CFAP58: variants seen among roughly 807,000 people sequenced by gnomAD.
CFAP58 encodes cilia- and flagella-associated protein 58.
A neutral mutation model predicts 119.5 loss-of-function variants in CFAP58; 88 were observed. That is an observed-to-expected ratio of 0.74 (90% CI 0.62 to 0.88). The LOEUF is 0.88. Among genes scored for constraint, CFAP58 ranks in the 40% least tolerant of loss-of-function variants. The pLI, the probability that CFAP58 is intolerant of heterozygous loss-of-function variation, is 0.00. For missense variants in CFAP58, 990 were observed against 1,021.2 expected, an observed-to-expected ratio of 0.97 and a Z score of 0.42; for synonymous variants, 365 against 366.3, an observed-to-expected ratio of 1.00 and a Z score of 0.04.
At position 104,364,721 on chromosome 10, in the gene CFAP58, C is replaced by T; in HGVS notation, c.441-12C>T. The T allele has an allele frequency of 6.2e-7, 1 of 1,612,386 alleles. No homozygotes were observed. The highest frequency in any genetic ancestry group is 8.5e-7 in the Non-Finnish European group (1 of 1,179,260). On this transcript the variant is annotated splice_polypyrimidine_tract_variant and intron_variant, in intron 3 of 17. Transcript: ENST00000369704. ...GGCCATTTAGTCTGACTCCTGTGTTCTTCCTTTTTAGCATCCGAGATTTAC... is the reference window on the plus strand; with the variant it reads ...GGCCATTTAGTCTGACTCCTGTGTTTTTCCTTTTTAGCATCCGAGATTTAC...
intron 15 of CFAP58, among the ~76,000 whole-genome samples, chr10:104,408,972 C>G (rs1237523681): frequency 6.6e-6 from 1 of 151,978 alleles, no homozygotes; most frequent in East Asian, 1.9e-4. Flanking sequence ...TGGGGGCGTG[C>G]ACGTTTAGTC....
rs1589917283 is a variant in CFAP58, at chr10:104,385,809, T to G, written c.1365+5589T>G. On this transcript the variant is annotated intron_variant, in intron 9 of 17. Coordinates refer to ENST00000369704, the MANE Select transcript of CFAP58 (RefSeq NM_001008723.2). ...GAAAGACCTGTACAGGCTGACCATG[T>G]TCCAGGCAAAATCAGTGACAGGAGA... Among the ~76,000 whole-genome samples the G allele has an allele frequency of 2.0e-5, 3 of 152,316 alleles. 1 individual carries two copies. The highest frequency in any genetic ancestry group is 6.8e-3 in the Middle Eastern group (2 of 294).
Position 104,380,186 on chromosome 10 carries a change from G to T in CFAP58, c.1331G>T (p.Arg444Leu). The T allele has an allele frequency of 6.2e-7, 1 of 1,613,978 alleles. No individual in the cohort carries two copies. The highest frequency in any genetic ancestry group is 8.5e-7 in the Non-Finnish European group (1 of 1,179,940). ...IIFHLEKERD[R>L]YINQASDLTQ... ...TTTCATCTGGAAAAGGAGCGTGACC[G>T]GTACATCAACCAAGCCAGTGACCTT... The change falls in exon 9 of 18, where the codon CGG (arginine) becomes CTG (leucine). Residue 444 changes from arginine (R) to leucine (L), a missense_variant. Physicochemically the swap from Arg to Leu is moderately radical, Grantham distance 102 (BLOSUM62 -2). Coordinates refer to ENST00000369704, the MANE Select transcript of CFAP58 (RefSeq NM_001008723.2).
chr10:104,438,376 T>A lies in CFAP58; in HGVS notation c.2257-9322T>A, dbSNP rs1397857434. On this transcript the variant is annotated intron_variant, in intron 15 of 17. Coordinates refer to ENST00000369704, the MANE Select transcript of CFAP58 (RefSeq NM_001008723.2). The stretch of plus-strand genomic sequence containing the variant: ...TTTTTTTTTTGTTTTTTTTTTTTGT[T>A]TTTTTTTTTTGAGACGGAGTCTCGC... Among the ~76,000 whole-genome samples the A allele has an allele frequency of 1.8e-4, 17 of 96,062 alleles. No homozygotes were observed. In the East Asian group the frequency reaches 3.9e-3, roughly 22 times the overall value. The allele number at this position is 96,062 out of a possible 152,430, so 63.0% of individuals were successfully genotyped here.
intron 14 of CFAP58, among the ~76,000 whole-genome samples, chr10:104,404,944 A>G (rs1201181780): frequency 1.3e-5 from 2 of 152,172 alleles, no homozygotes; most frequent in Non-Finnish European, 2.9e-5. Context: ...AAAAGACAAT[A>G]TGTATTTTAC....
chr10:104,423,989 T>C (rs569238139), intron 15 of CFAP58, among the ~76,000 whole-genome samples: 2 of 152,272 alleles, frequency 1.3e-5, no homozygotes, highest in African/African-American at 4.8e-5. Flanking sequence ...TTTTTTATGA[T>C]TTTAGGGGAA....
chr10:104,423,335 T>C (rs1396868823), intron 15 of CFAP58, among the ~76,000 whole-genome samples: 1 of 152,204 alleles, frequency 6.6e-6, no homozygotes, highest in Non-Finnish European at 1.5e-5. Context: ...AGTTGATAAA[T>C]TAGTCTTTTA....
the CFAP58 span, among the ~76,000 whole-genome samples, chr10:104,347,552 T>C: frequency 6.6e-6 from 1 of 152,036 alleles, no homozygotes; most frequent in Non-Finnish European, 1.5e-5. Context: ...ATATTAGATA[T>C]GATGACAGGA....
chr10:104,348,737 G>A, the CFAP58 span, among the ~76,000 whole-genome samples: 83 of 152,246 alleles, frequency 5.5e-4, no homozygotes, highest in East Asian at 3.9e-4. Flanking sequence ...ACTTCCTTCC[G>A]TGTCTCTAAC....
At chr10:104,385,840 C>T (rs2011910973) in intron 9 of CFAP58, among the ~76,000 whole-genome samples, 3 of 152,254 alleles carry the variant, frequency 2.0e-5, no homozygotes, top group South Asian at 4.1e-4. Flanking sequence ...GGAGACTCTC[C>T]GTAGACTTGC....
rs771459080 is a variant in CFAP58, at chr10:104,400,872, G to T, written c.2008G>T (p.Ala670Ser). Reference protein sequence around the residue: ...KKLRREKGILARSMANVEELR... With the variant: ...KKLRREKGILSRSMANVEELR... ...GCTTCGCCGGGAAAAGGGGATTCTT[G>T]CCAGGAGTATGGCTAATGTTGAAGA... Residue 670 changes from alanine (A) to serine (S), a missense_variant, in exon 13 of 18, where the codon GCC becomes TCC. Coordinates refer to ENST00000369704, the MANE Select transcript of CFAP58 (RefSeq NM_001008723.2). 3 of 1,614,020 alleles carry T rather than the reference G, an allele frequency of 1.9e-6. No homozygotes were observed. The highest frequency in any genetic ancestry group is 3.3e-5 in the Admixed American group (2 of 59,996).
intron 15 of CFAP58, among the ~76,000 whole-genome samples, chr10:104,438,334 G>T (rs11818175): frequency 0.044 from 4,893 of 111,000 alleles, 305 homozygotes; most frequent in African/African-American, 0.13. Context: ...TTGTTTTTTT[G>T]TTTTTTGTTT....
intron 16 of CFAP58, 32 bp from the exon 17 acceptor site, chr10:104,450,039 T>A: frequency 6.3e-7 from 1 of 1,579,772 alleles, no homozygotes; most frequent in Non-Finnish European, 8.6e-7. Context: ...ATATTGTATC[T>A]TTTGTTAATG....
intron 15 of CFAP58, among the ~76,000 whole-genome samples, chr10:104,420,002 A>G (rs1052576156): frequency 7.2e-5 from 11 of 152,186 alleles, no homozygotes; most frequent in African/African-American, 2.7e-4. Flanking sequence ...GCAGATCAGG[A>G]AACTAAAGCT....
At chr10:104,367,833 G>A (rs2014772238) in intron 5 of CFAP58, among the ~76,000 whole-genome samples, 1 of 152,138 alleles carries the variant, frequency 6.6e-6, no homozygotes, top group African/African-American at 2.4e-5. Context: ...AACCATATCT[G>A]CTTAGGATAG....
chr10:104,400,330 A>G (rs2012238621), intron 12 of CFAP58, among the ~76,000 whole-genome samples: 1 of 152,132 alleles, frequency 6.6e-6, no homozygotes. Context: ...TATTTTTAGT[A>G]GAGATGGGGT....
intron 8 of CFAP58, among the ~76,000 whole-genome samples, chr10:104,378,634 G>A (rs1409325660): frequency 1.3e-5 from 2 of 152,146 alleles, no homozygotes; most frequent in Non-Finnish European, 2.9e-5. Flanking sequence ...AGTGAAGATT[G>A]TCACTGTCTC....
chr10:104,448,955 G>A (rs2013151978), intron 16 of CFAP58, among the ~76,000 whole-genome samples: 1 of 152,236 alleles, frequency 6.6e-6, no homozygotes, highest in Non-Finnish European at 1.5e-5. Context: ...GCTCACAGGA[G>A]CCTTTTGTGA....
In CFAP58 at chr10:104,358,449, C is replaced by T. The variant is rs1410272231; in HGVS notation, c.118C>T (p.Arg40Trp). Residue 40 changes from arginine (R) to tryptophan (W), a missense_variant, in exon 2 of 18, where the codon CGG becomes TGG. Transcript: ENST00000369704. ...TGGAGACAAAAGTTTGGAAAAATTT[C>T]GGATTGAATATGAGAGGCTTCATGC... The part of the protein sequence containing the change: ...LSGDKSLEKF[R>W]IEYERLHAVM... The T allele has an allele frequency of 6.2e-7, 1 of 1,613,810 alleles. No homozygotes were observed. The highest frequency in any genetic ancestry group is 1.7e-5 in the Admixed American group (1 of 59,980).
Sources: gnomAD v4.1 joint callset for allele counts (sites outside exome capture counted in the v4.1 genomes callset) on GRCh38, gnomAD v4.1.1 for gene constraint, MANE v1.5 for transcripts, NCBI Gene and HGNC (gene_info 2026-07-23, HGNC 2026-07-21) for gene names.